Variants in ALX4 observed in about 807,000 individuals in gnomAD.
ALX4 encodes homeobox protein aristaless-like 4.
ALX4 carries 22 observed loss-of-function variants against 40.6 expected under a neutral mutation model. The observed-to-expected ratio is 0.54, with a 90% CI of 0.39 to 0.77. The LOEUF is 0.77. Among genes scored for constraint, ALX4 ranks in the 30% least tolerant of loss-of-function variants. The probability of loss-of-function intolerance (pLI) is 0.00; values close to 1 mark genes in which losing one functional copy is unlikely to be tolerated. For synonymous variants in ALX4, 266 were observed against 240.5 expected (o/e 1.11, Z -0.98); for missense variants, 556 against 564.8 (o/e 0.98, Z 0.16).
chr11:44,264,879 C>G lies in ALX4; in HGVS notation c.1211G>C (p.Ser404Thr). Residue 404 changes from serine to threonine, a missense_variant, in exon 4 of 4, where the codon AGT (serine) becomes ACT (threonine). Transcript: ENST00000652299. The stretch of plus-strand genomic sequence containing the variant: ...TCATGTGGCCCAGGAAATGGCCGCA[C>G]TGTGCTCCTTGGCCTTCATGCGGAG... ...AALRMKAKEH[S>T]AAISWAT 6.2e-7 allele frequency: 1 copy of G among 1,612,976 alleles called. No individual in the cohort carries two copies. The highest frequency in any genetic ancestry group is 1.3e-5 in the African/African-American group (1 of 75,076).
Position 44,309,615 on chromosome 11 carries a change from A to G in ALX4, c.448T>C (p.Leu150=), listed in dbSNP as rs1956493379. 1 of 1,587,744 alleles carries G rather than the reference A, an allele frequency of 6.3e-7. No homozygotes were observed. Among genetic ancestry groups the G allele is most frequent in the Non-Finnish European group, 8.5e-7 (1 of 1,175,082 alleles). ...QEGSSGHSAA[L]QVPCYAKESS... is the part of the protein sequence containing the mutation. The stretch of plus-strand genomic sequence containing the variant: ...CACTCACCGTAGCAGGGAACCTGCA[A>G]GGCCGCGCTGTGGCCGCTGCTGCCT... Residue 150 remains leucine, a synonymous_variant, in exon 1 of 4, where the codon TTG becomes CTG. Transcript: ENST00000652299.
At position 44,301,892 on chromosome 11, in the gene ALX4, C is replaced by T. The variant is rs538262654; in HGVS notation, c.466+7705G>A. Among the ~76,000 whole-genome samples the T allele has an allele frequency of 2.6e-5, 4 of 152,324 alleles. No individual in the cohort carries two copies. In the South Asian group the frequency reaches 8.3e-4, roughly 32 times the overall value. ...AGCCACACGGGACAGAGGGTATATTCCAGAGCTGGTGGCTTGTCAGACGGC... is the reference window on the plus strand; with the variant it reads ...AGCCACACGGGACAGAGGGTATATTTCAGAGCTGGTGGCTTGTCAGACGGC... On this transcript the variant is annotated intron_variant, in intron 1 of 3. Transcript: ENST00000652299.
At chr11:44,302,885 C>T (rs887242096) in intron 1 of ALX4, among the ~76,000 whole-genome samples, 5 of 152,156 alleles carry the variant, frequency 3.3e-5, no homozygotes, top group African/African-American at 1.2e-4. Context: ...TGAAGGTGGG[C>T]CCAGACTGCT....
At chr11:44,299,839 T>C (rs1956425294) in intron 1 of ALX4, among the ~76,000 whole-genome samples, 1 of 152,182 alleles carries the variant, frequency 6.6e-6, no homozygotes, top group African/African-American at 2.4e-5. Flanking sequence ...ACGAGTTACT[T>C]ATCTTCCATG....
intron 3 of ALX4, among the ~76,000 whole-genome samples, chr11:44,265,702 T>C (rs1956209845): frequency 6.6e-6 from 1 of 151,846 alleles, no homozygotes; most frequent in African/African-American, 2.4e-5. Context: ...CCTAAACCTC[T>C]CAGAAACCAA....
intron 1 of ALX4, among the ~76,000 whole-genome samples, chr11:44,299,446 C>T (rs1238767935): frequency 1.3e-5 from 2 of 150,696 alleles, no homozygotes; most frequent in Non-Finnish European, 3.0e-5. Flanking sequence ...CTGCAAGCTC[C>T]GCCTCCCGGG....
At chr11:44,308,740 G>A (rs1956484603) in intron 1 of ALX4, among the ~76,000 whole-genome samples, 1 of 152,218 alleles carries the variant, frequency 6.6e-6, no homozygotes, top group South Asian at 2.1e-4. Flanking sequence ...CGGGTTCCCC[G>A]TGGGCTCAAA....
intron 1 of ALX4, among the ~76,000 whole-genome samples, chr11:44,278,841 G>T (rs948150401): frequency 6.6e-6 from 1 of 152,160 alleles, no homozygotes; most frequent in Non-Finnish European, 1.5e-5. Flanking sequence ...GGGGAGGAGA[G>T]GGGGAGGGTG....
At chr11:44,300,235 G>T (rs1956427429) in intron 1 of ALX4, among the ~76,000 whole-genome samples, 1 of 152,162 alleles carries the variant, frequency 6.6e-6, no homozygotes, top group Non-Finnish European at 1.5e-5. Context: ...GAATATCACA[G>T]AACCCCAAGG....
chr11:44,265,693 C>G (rs1956209807), intron 3 of ALX4, among the ~76,000 whole-genome samples: 1 of 152,014 alleles, frequency 6.6e-6, no homozygotes, highest in Non-Finnish European at 1.5e-5. Context: ...CGGCAGGGAC[C>G]TAAACCTCTC....
At chr11:44,272,314 A>G (rs564023187) in intron 2 of ALX4, among the ~76,000 whole-genome samples, 1 of 152,170 alleles carries the variant, frequency 6.6e-6, no homozygotes, top group East Asian at 1.9e-4. Context: ...AGACCAGCCA[A>G]CCAACATGGT....
intron 1 of ALX4, among the ~76,000 whole-genome samples, chr11:44,301,324 A>G (rs1177655468): frequency 6.6e-6 from 1 of 152,220 alleles, no homozygotes; most frequent in East Asian, 1.9e-4. Context: ...AAAGGCCCTC[A>G]GGGCCTGGTG....
chr11:44,309,401 C>A (rs1371201124), intron 1 of ALX4, among the ~76,000 whole-genome samples, 196 bp downstream of exon 1: 1 of 152,242 alleles, frequency 6.6e-6, no homozygotes, highest in African/African-American at 2.4e-5. Context: ...ACGCTCCGTG[C>A]CTAGGCCGGC....
intron 1 of ALX4, among the ~76,000 whole-genome samples, chr11:44,304,598 A>T (rs1956455469): frequency 6.6e-6 from 1 of 152,110 alleles, no homozygotes; most frequent in South Asian, 2.1e-4. Context: ...GTCTGCAGAG[A>T]AGCCCGAAGC....
chr11:44,279,611 C>T (rs1032546133), intron 1 of ALX4, among the ~76,000 whole-genome samples: 7 of 152,216 alleles, frequency 4.6e-5, no homozygotes, highest in Admixed American at 1.3e-4. Context: ...AAGGAAACCA[C>T]TGACCTTGGT....
chr11:44,310,074 G>T lies in ALX4; in HGVS notation c.-12C>A, dbSNP rs370141684. 6.4e-6 allele frequency: 10 copies of T among 1,572,854 alleles called. No individual in the cohort carries two copies. The African/African-American group carries it at 6.7e-5, about 11-fold the overall frequency. On this transcript the variant is annotated 5_prime_UTR_variant, in exon 1 of 4. Coordinates refer to ENST00000652299, the MANE Select transcript of ALX4 (RefSeq NM_021926.4). Reference sequence around the variant, plus strand: ...GTCTCAGCATTCATGCCTGGCTTGCGCAGGCGGCGGGCGGGGACGCGAGCG... The same window carrying T: ...GTCTCAGCATTCATGCCTGGCTTGCTCAGGCGGCGGGCGGGGACGCGAGCG...
chr11:44,287,484 CA>C (rs1192558521), intron 1 of ALX4, among the ~76,000 whole-genome samples: 2 of 151,342 alleles, frequency 1.3e-5, no homozygotes, highest in Admixed American at 6.6e-5. Flanking sequence ...TAAGAAGGTC[CA>C]GGGGTGGTGG....
chr11:44,277,369 A>G (rs1956283987), intron 1 of ALX4, among the ~76,000 whole-genome samples: 1 of 152,050 alleles, frequency 6.6e-6, no homozygotes, highest in African/African-American at 2.4e-5. Flanking sequence ...GTGGGTGTGA[A>G]CTCCTCGAGA....
chr11:44,298,894 G>C (rs995358104), intron 1 of ALX4, among the ~76,000 whole-genome samples: 1 of 152,168 alleles, frequency 6.6e-6, no homozygotes. Context: ...AACGAAGAGA[G>C]AGTGGAAAGA....
Sources: gnomAD v4.1 joint callset for allele counts (sites outside exome capture counted in the v4.1 genomes callset) on GRCh38, gnomAD v4.1.1 for gene constraint, MANE v1.5 for transcripts, NCBI Gene and HGNC (gene_info 2026-07-23, HGNC 2026-07-21) for gene names.